The following PTPRR variants were observed in gnomAD, a reference collection of about 807,000 sequenced individuals.
The protein encoded by PTPRR is receptor-type tyrosine-protein phosphatase R.
PTPRR carries 38 observed loss-of-function variants against 77.2 expected under a neutral mutation model. The ratio of observed to expected loss-of-function variants is 0.49; its 90% CI spans 0.38 to 0.65. PTPRR has a LOEUF of 0.65. Ranked by LOEUF, PTPRR falls within the 30% of genes least tolerant of loss-of-function variation. The pLI is 0.00. For synonymous variants in PTPRR, 299 were observed against 283.1 expected (o/e 1.06, Z -0.57); for missense variants, 744 against 799.2 (o/e 0.93, Z 0.83).
At chr12:70,717,777 A>T (rs1176814267) in intron 6 of PTPRR, among the ~76,000 whole-genome samples, 1 of 152,156 alleles carries the variant, frequency 6.6e-6, no homozygotes, top group African/African-American at 2.4e-5. Flanking sequence ...CATGGCAGGG[A>T]TTTGTAGGTG....
intron 2 of PTPRR, among the ~76,000 whole-genome samples, chr12:70,773,538 T>C (rs1891025939): frequency 6.6e-6 from 1 of 152,148 alleles, no homozygotes; most frequent in Non-Finnish European, 1.5e-5. Context: ...AGAAGCATAA[T>C]TCTATTCCAG....
chr12:70,909,067 A>T (rs1449030732), intron 1 of PTPRR, among the ~76,000 whole-genome samples: 1 of 152,134 alleles, frequency 6.6e-6, no homozygotes, highest in Non-Finnish European at 1.5e-5. Context: ...ACTTCAAGAC[A>T]TGAAGGGCTG....
intron 2 of PTPRR, among the ~76,000 whole-genome samples, chr12:70,798,949 G>A (rs549524493): frequency 6.6e-5 from 10 of 152,062 alleles, no homozygotes; most frequent in African/African-American, 2.2e-4. Flanking sequence ...TAGATTTTTT[G>A]TTGGATAAAT....
intron 2 of PTPRR, among the ~76,000 whole-genome samples, chr12:70,854,029 T>A (rs1892613914): frequency 1.3e-5 from 2 of 152,188 alleles, no homozygotes. Context: ...AGAATAGTGT[T>A]CTATCAAACC....
chr12:70,707,025 T>C (rs1006025442), intron 6 of PTPRR, among the ~76,000 whole-genome samples: 3 of 152,142 alleles, frequency 2.0e-5, no homozygotes, highest in African/African-American at 7.2e-5. Context: ...GGGAGCTACA[T>C]GAGTACACAC....
At position 70,690,596 on chromosome 12, in the gene PTPRR, T is replaced by C. The variant is rs188494567; in HGVS notation, c.1280-5813A>G. Among the ~76,000 whole-genome samples, 220 of 152,346 alleles carry C rather than the reference T, an allele frequency of 1.4e-3. 3 individuals carry two copies. Among genetic ancestry groups the C allele is most frequent in the Middle Eastern group, 6.8e-3 (2 of 294 alleles). Reference sequence around the variant, plus strand: ...GATAGCCCTAAATTGCTTATTGCACTGATTTCCTTTCTTCTGACCTACAAC... The same window carrying C: ...GATAGCCCTAAATTGCTTATTGCACCGATTTCCTTTCTTCTGACCTACAAC... On this transcript the variant is annotated intron_variant, in intron 8 of 13. Coordinates refer to ENST00000283228, the MANE Select transcript of PTPRR (RefSeq NM_002849.4).
At chr12:70,904,880 A>G (rs897785285) in intron 1 of PTPRR, among the ~76,000 whole-genome samples, 1 of 151,836 alleles carries the variant, frequency 6.6e-6, no homozygotes, top group Non-Finnish European at 1.5e-5. Flanking sequence ...ATAAGTGGAA[A>G]AATCAAGTTT....
chr12:70,653,722 T>C (rs138500671), intron 13 of PTPRR, among the ~76,000 whole-genome samples: 2 of 152,164 alleles, frequency 1.3e-5, no homozygotes, highest in East Asian at 1.9e-4. Context: ...ATAGGAAATA[T>C]ATACTACTAT....
At chr12:70,866,008 C>A (rs1456049536) in intron 2 of PTPRR, among the ~76,000 whole-genome samples, 1 of 151,876 alleles carries the variant, frequency 6.6e-6, no homozygotes, top group Admixed American at 6.6e-5. Flanking sequence ...CACAACATAC[C>A]AGAATCTCTG....
chr12:70,857,487 CTT>C (rs1892673164), intron 2 of PTPRR, among the ~76,000 whole-genome samples: 1 of 152,094 alleles, frequency 6.6e-6, no homozygotes, highest in Admixed American at 6.6e-5. Flanking sequence ...AGGTGCCTGA[CTT>C]TGAGGCTGTA....
chr12:70,650,546 C>G (rs1417844487), intron 13 of PTPRR, among the ~76,000 whole-genome samples: 2 of 152,134 alleles, frequency 1.3e-5, no homozygotes, highest in African/African-American at 2.4e-5. Flanking sequence ...TTAGGAGGCT[C>G]TCAGTAAATA....
At chr12:70,847,383 G>A (rs548119853) in intron 2 of PTPRR, among the ~76,000 whole-genome samples, 2 of 152,134 alleles carry the variant, frequency 1.3e-5, no homozygotes, top group African/African-American at 2.4e-5. Flanking sequence ...CTCTCTAAAA[G>A]CCAATAGAAA....
chr12:70,872,462 G>A (rs1316028421), intron 2 of PTPRR, among the ~76,000 whole-genome samples: 4 of 151,856 alleles, frequency 2.6e-5, no homozygotes, highest in Admixed American at 2.0e-4. Flanking sequence ...TTGGGAGGCC[G>A]AGGCAGGCGG....
chr12:70,763,944 A>G (rs1890752412), intron 3 of PTPRR, among the ~76,000 whole-genome samples: 1 of 151,998 alleles, frequency 6.6e-6, no homozygotes, highest in South Asian at 2.1e-4. Flanking sequence ...AGAGGAAATA[A>G]TGGATGTGGG....
At chr12:70,904,333 G>A (rs1383837703) in intron 1 of PTPRR, among the ~76,000 whole-genome samples, 1 of 151,704 alleles carries the variant, frequency 6.6e-6, no homozygotes, top group East Asian at 1.9e-4. Context: ...TGGGTGGATA[G>A]ATAAACTATG....
chr12:70,772,844 T>C (rs1361630060), intron 2 of PTPRR, among the ~76,000 whole-genome samples: 1 of 152,188 alleles, frequency 6.6e-6, no homozygotes, highest in Non-Finnish European at 1.5e-5. Context: ...AGTAACACTT[T>C]AAAATTTCTT....
intron 2 of PTPRR, among the ~76,000 whole-genome samples, chr12:70,889,125 C>G (rs948046182): frequency 6.6e-6 from 1 of 152,164 alleles, no homozygotes; most frequent in South Asian, 2.1e-4. Context: ...ACAACATATT[C>G]CTCAACAATA....
intron 2 of PTPRR, among the ~76,000 whole-genome samples, chr12:70,820,382 T>C (rs1460623919): frequency 6.6e-6 from 1 of 152,012 alleles, no homozygotes; most frequent in East Asian, 1.9e-4. Flanking sequence ...CAGGCTGGAG[T>C]GAGTGCAGTG....
At chr12:70,779,437 G>A (rs904322539) in intron 2 of PTPRR, among the ~76,000 whole-genome samples, 1 of 152,102 alleles carries the variant, frequency 6.6e-6, no homozygotes, top group Non-Finnish European at 1.5e-5. Context: ...AGATTATTGG[G>A]TGGTGCCTCC....
Sources: allele counts gnomAD v4.1 joint callset (sites outside exome capture counted in the v4.1 genomes callset), GRCh38; gene constraint gnomAD v4.1.1; transcripts MANE v1.5; gene names NCBI Gene and HGNC (gene_info 2026-07-23, HGNC 2026-07-21).